Variants in SFMBT2 observed in about 807,000 individuals in gnomAD.
The protein encoded by SFMBT2 is scm-like with four MBT domains protein 2.
A neutral mutation model predicts 110.1 loss-of-function variants in SFMBT2; 38 were observed. The ratio of observed to expected loss-of-function variants is 0.35; its 90% CI spans 0.27 to 0.45. The LOEUF is 0.45. SFMBT2 is among the 20% of genes least tolerant of loss of function. The probability of loss-of-function intolerance (pLI) is 1.00; values close to 1 mark genes in which losing one functional copy is unlikely to be tolerated. For missense variants in SFMBT2, 1,011 were observed against 1,094.9 expected (o/e 0.92, Z 1.08); for synonymous variants, 425 against 425.4 (o/e 1.00, Z 0.01).
At chr10:7,289,283 G>A (rs1286393948) in intron 4 of SFMBT2, among the ~76,000 whole-genome samples, 2 of 152,206 alleles carry the variant, frequency 1.3e-5, no homozygotes, top group Non-Finnish European at 2.9e-5. Context: ...TAACACAGAC[G>A]TCTATATCCA....
In SFMBT2 at chr10:7,171,833, T is replaced by C; in HGVS notation, c.2415+62A>G. Reference sequence around the variant, plus strand: ...GTTTCCCCACATCGTGGCCCTGAAGTGTAACAGGTGTGCTTCTTCAGACCC... The same window carrying C: ...GTTTCCCCACATCGTGGCCCTGAAGCGTAACAGGTGTGCTTCTTCAGACCC... On this transcript the variant is annotated intron_variant, in intron 19 of 20. Coordinates refer to ENST00000397167, the MANE Select transcript of SFMBT2 (RefSeq NM_001387889.1). The surrounding 1 kb of genome is among the most constrained non-coding windows in gnomAD (Gnocchi z 4.9). 1 of 1,355,162 alleles carries C rather than the reference T, an allele frequency of 7.4e-7. No homozygotes were observed. Among genetic ancestry groups the C allele is most frequent in the Non-Finnish European group, 9.5e-7 (1 of 1,051,774 alleles). 83.9% of individuals were successfully genotyped at this position (1,355,162 alleles called of 1,614,324 possible).
intron 7 of SFMBT2, among the ~76,000 whole-genome samples, chr10:7,261,709 G>A (rs1002565814): frequency 1.3e-5 from 2 of 152,184 alleles, no homozygotes; most frequent in Non-Finnish European, 1.5e-5. Context: ...CTCCTAAACT[G>A]AGCCTTTCCT....
chr10:7,231,688 A>C (rs1840113502), intron 9 of SFMBT2, among the ~76,000 whole-genome samples: 1 of 126,480 alleles, frequency 7.9e-6, no homozygotes, highest in Admixed American at 8.3e-5. Context: ...TGTTGTAAGC[A>C]ACAGTTAATT....
chr10:7,272,945 A>T (rs1841643306), intron 7 of SFMBT2, among the ~76,000 whole-genome samples: 1 of 152,190 alleles, frequency 6.6e-6, no homozygotes, highest in Non-Finnish European at 1.5e-5. Flanking sequence ...GATGCATGCC[A>T]CCATGCCCGG....
At chr10:7,271,473 G>A (rs990258646) in intron 7 of SFMBT2, among the ~76,000 whole-genome samples, 4 of 152,004 alleles carry the variant, frequency 2.6e-5, no homozygotes, top group Admixed American at 6.6e-5. Flanking sequence ...AAAAGAGGCC[G>A]GTATTATACA....
intron 3 of SFMBT2, among the ~76,000 whole-genome samples, chr10:7,368,922 A>T (rs1340488312): frequency 6.6e-6 from 1 of 152,246 alleles, no homozygotes; most frequent in Non-Finnish European, 1.5e-5. Context: ...ATGAGTATAA[A>T]GAGAAATGGA....
intron 7 of SFMBT2, among the ~76,000 whole-genome samples, chr10:7,268,683 G>C (rs921602553): frequency 6.6e-6 from 1 of 152,078 alleles, no homozygotes; most frequent in Non-Finnish European, 1.5e-5. Flanking sequence ...GCTAATTTTT[G>C]TATTTTTAAT....
chr10:7,358,075 C>T, intron 4 of SFMBT2, among the ~76,000 whole-genome samples: 1 of 151,794 alleles, frequency 6.6e-6, no homozygotes, highest in East Asian at 1.9e-4. Flanking sequence ...TCTGCATGGG[C>T]CTAGAACATC....
chr10:7,402,697 G>GGGGT (rs1352775340), intron 1 of SFMBT2, among the ~76,000 whole-genome samples: 2 of 152,182 alleles, frequency 1.3e-5, no homozygotes, highest in Non-Finnish European at 2.9e-5. Context: ...TACCACGGAA[G>GGGGT]GGGTCTACAA....
chr10:7,181,238 C>CA (rs59457180), intron 16 of SFMBT2, among the ~76,000 whole-genome samples: 9,677 of 72,040 alleles, frequency 0.13, 994 homozygotes, highest in African/African-American at 0.34. Context: ...GACTCCATTT[C>CA]AAAAAAAAAA....
At position 7,367,568 on chromosome 10, in the gene SFMBT2, G is replaced by C; in HGVS notation, c.436+81C>G. On this transcript the variant is annotated intron_variant, in intron 4 of 20. Coordinates refer to ENST00000397167, the MANE Select transcript of SFMBT2 (RefSeq NM_001387889.1). This position sits in a 1 kb window ranked among gnomAD's most constrained non-coding sequence, Gnocchi z 6.2. ...AAGACCATTAGGGATTCTACGCAAGGTTCTCTCTGCTCCTTGCAAAATTAC... is the reference window on the plus strand; with the variant it reads ...AAGACCATTAGGGATTCTACGCAAGCTTCTCTCTGCTCCTTGCAAAATTAC... 1 of 1,538,614 alleles carries C rather than the reference G, an allele frequency of 6.5e-7. No individual in the cohort carries two copies. The highest frequency in any genetic ancestry group is 1.3e-5 in the South Asian group (1 of 79,804).
intron 7 of SFMBT2, among the ~76,000 whole-genome samples, chr10:7,266,728 T>C (rs2131794372): frequency 6.6e-6 from 1 of 152,204 alleles, no homozygotes; most frequent in Non-Finnish European, 1.5e-5. Context: ...AGCTCTGGCG[T>C]GATGGGACAG....
intron 16 of SFMBT2, among the ~76,000 whole-genome samples, chr10:7,179,021 T>G (rs1191155259): frequency 1.3e-5 from 2 of 152,186 alleles, no homozygotes; most frequent in African/African-American, 4.8e-5. Context: ...TTTCCACTAA[T>G]AAATCTTTTT....
At chr10:7,265,295 G>A (rs1347737916) in intron 7 of SFMBT2, among the ~76,000 whole-genome samples, 1 of 151,650 alleles carries the variant, frequency 6.6e-6, no homozygotes, top group Non-Finnish European at 1.5e-5. Context: ...TCCGCCTCCC[G>A]GGTTCAAGTG....
Position 7,159,881 on chromosome 10 carries a change from G to C in SFMBT2, c.*3889C>G, listed in dbSNP as rs1803759812. On this transcript the variant is annotated 3_prime_UTR_variant, in exon 21 of 21. Transcript: ENST00000397167. ...TCTTAGAAAGGGGTGTTTGGCATAA[G>C]ACAGAAGGCAAATCTCAGAACTTGC... 1 of 152,298 alleles carries C rather than the reference G, an allele frequency of 6.6e-6. No homozygotes were observed. Among genetic ancestry groups the C allele is most frequent in the African/African-American group, 2.4e-5 (1 of 41,554 alleles). The allele number at this position is 152,298 out of a possible 1,614,324, so 9.4% of individuals were successfully genotyped here.
At chr10:7,243,457 T>G in intron 9 of SFMBT2, 101 bp downstream of exon 9, 1 of 773,382 alleles carries the variant, frequency 1.3e-6, no homozygotes, top group Non-Finnish European at 2.2e-6. Flanking sequence ...TCTAAACCCT[T>G]TACACAACCA....
In SFMBT2 at chr10:7,373,974, C is replaced by A. The variant is rs113176055; in HGVS notation, c.101-3599G>T. Among the ~76,000 whole-genome samples the A allele has an allele frequency of 6.9e-3, 1,049 of 152,162 alleles. 16 individuals are homozygous for A. The highest frequency in any genetic ancestry group is 0.023 in the African/African-American group (973 of 41,522). ...CTCCTTCCTGCAAATCACAAACATG[C>A]AAATCGAGGCTGGGCGCAGTGGCTC... On this transcript the variant is annotated intron_variant, in intron 2 of 20. Transcript: ENST00000397167.
intron 4 of SFMBT2, among the ~76,000 whole-genome samples, chr10:7,303,239 T>A (rs752711206): frequency 1.3e-5 from 2 of 152,240 alleles, no homozygotes; most frequent in Non-Finnish European, 2.9e-5. Context: ...CTACTAGCAA[T>A]TATTTTTAAG....
At chr10:7,230,504 C>G (rs1469903226) in intron 9 of SFMBT2, among the ~76,000 whole-genome samples, 1 of 152,182 alleles carries the variant, frequency 6.6e-6, no homozygotes, top group African/African-American at 2.4e-5. Flanking sequence ...AGTTTCTTAA[C>G]AGGACAAAGG....
Sources: gnomAD v4.1 joint callset for allele counts (sites outside exome capture counted in the v4.1 genomes callset) on GRCh38, gnomAD v4.1.1 for gene constraint, Gnocchi (gnomAD v3.1) non-coding constraint, MANE v1.5 for transcripts, NCBI Gene and HGNC (gene_info 2026-07-23, HGNC 2026-07-21) for gene names.